CHN2: variants seen among roughly 807,000 people sequenced by gnomAD.
CHN2 encodes the protein chimerin 2, also known as beta-chimaerin.
In CHN2, 35 loss-of-function variants were observed where a neutral mutation model predicts 56.3. The observed-to-expected ratio is 0.62, with a 90% CI of 0.47 to 0.82. The LOEUF is 0.82. Ranked by LOEUF, CHN2 falls within the 40% of genes least tolerant of loss-of-function variation. The pLI, the probability that CHN2 is intolerant of heterozygous loss-of-function variation, is 0.00. For synonymous variants in CHN2, 210 were observed against 212.8 expected (o/e 0.99, Z 0.12); for missense variants, 491 against 580.5 (o/e 0.85, Z 1.58).
chr7:29,507,173 A>G, intron 10 of CHN2, 55 bp from the exon 11 acceptor site: 2 of 1,489,656 alleles, frequency 1.3e-6, no homozygotes, highest in Non-Finnish European at 9.0e-7. Context: ...CTTTCTGTAC[A>G]TGCCTTGGTG....
chr7:29,497,993 C>T (rs1583409538), intron 8 of CHN2, among the ~76,000 whole-genome samples: 1 of 152,126 alleles, frequency 6.6e-6, no homozygotes, highest in South Asian at 2.1e-4. Flanking sequence ...GGTTGCATAA[C>T]AGTGTGAATG....
intron 9 of CHN2, among the ~76,000 whole-genome samples, chr7:29,501,400 G>A (rs888257559): frequency 6.6e-6 from 1 of 152,148 alleles, no homozygotes; most frequent in African/African-American, 2.4e-5. Flanking sequence ...TGAGTGGTTG[G>A]GACAAGTGAC....
intron 1 of CHN2, among the ~76,000 whole-genome samples, chr7:29,210,961 G>T (rs937217626): frequency 6.6e-6 from 1 of 152,306 alleles, no homozygotes; most frequent in East Asian, 1.9e-4. Context: ...ATCATGGAGG[G>T]CCTCGTAGGC....
At chr7:29,169,477 T>A (rs1473446461) in intron 2 of CHN2, among the ~76,000 whole-genome samples, 1 of 152,226 alleles carries the variant, frequency 6.6e-6, no homozygotes, top group Non-Finnish European at 1.5e-5. Flanking sequence ...TATACAATAA[T>A]GTTATGTTAA....
chr7:29,203,918 G>A (rs1784336414), intron 1 of CHN2, among the ~76,000 whole-genome samples: 1 of 152,166 alleles, frequency 6.6e-6, no homozygotes, highest in African/African-American at 2.4e-5. Context: ...GACAGATTTT[G>A]TGTTTTGTTT....
chr7:29,283,965 C>T (rs1259612890), intron 1 of CHN2, among the ~76,000 whole-genome samples: 2 of 121,202 alleles, frequency 1.7e-5, no homozygotes, highest in Non-Finnish European at 3.3e-5. Context: ...GACACAGTCT[C>T]ACTCTGGAGT....
chr7:29,362,167 A>G (rs1297304024), intron 2 of CHN2, among the ~76,000 whole-genome samples: 1 of 152,184 alleles, frequency 6.6e-6, no homozygotes, highest in Non-Finnish European at 1.5e-5. Context: ...GCAGCTCCTC[A>G]TGGGACCTCT....
At chr7:29,252,772 T>G (rs1297507622) in intron 1 of CHN2, among the ~76,000 whole-genome samples, 1 of 125,546 alleles carries the variant, frequency 8.0e-6, no homozygotes, top group African/African-American at 4.3e-5. Context: ...ATTTTTTGTA[T>G]TTTTAGTAGA....
intron 2 of CHN2, among the ~76,000 whole-genome samples, chr7:29,168,609 T>C (rs78200145): frequency 0.012 from 1,771 of 152,348 alleles, 34 homozygotes; most frequent in African/African-American, 0.041. Flanking sequence ...TCCAGTGTTA[T>C]GTGAGGGTCT....
chr7:29,236,265 T>C (rs1394784384), intron 1 of CHN2, among the ~76,000 whole-genome samples: 1 of 152,242 alleles, frequency 6.6e-6, no homozygotes, highest in Non-Finnish European at 1.5e-5. Flanking sequence ...CAGTGAGTAA[T>C]ACCCTCACTT....
chr7:29,379,627 C>T (rs772493339), intron 3 of CHN2, among the ~76,000 whole-genome samples: 1 of 152,150 alleles, frequency 6.6e-6, no homozygotes, highest in Non-Finnish European at 1.5e-5. Context: ...AGTCTTTCAA[C>T]TTTTCTGTAT....
chr7:29,432,917 T>C (rs150851910), intron 6 of CHN2, among the ~76,000 whole-genome samples: 8 of 152,326 alleles, frequency 5.3e-5, no homozygotes, highest in African/African-American at 1.2e-4. Context: ...AGCTGACAAC[T>C]GGGAGGCTGT....
intron 2 of CHN2, among the ~76,000 whole-genome samples, chr7:29,150,781 A>G (rs753092796): frequency 9.2e-5 from 14 of 152,166 alleles, no homozygotes; most frequent in Non-Finnish European, 1.3e-4. Flanking sequence ...GTTGTTACTG[A>G]TCTTCAATGG....
intron 3 of CHN2, among the ~76,000 whole-genome samples, chr7:29,387,846 C>T (rs1010115065): frequency 1.9e-4 from 29 of 152,226 alleles, no homozygotes; most frequent in Admixed American, 5.9e-4. Flanking sequence ...GGTAATATCA[C>T]TGCATTATTT....
chr7:29,153,209 G>A (rs966720604), intron 2 of CHN2, among the ~76,000 whole-genome samples: 2 of 152,182 alleles, frequency 1.3e-5, no homozygotes, highest in African/African-American at 4.8e-5. Context: ...TACATATCTA[G>A]ACATATGGTA....
upstream of CHN2, chr7:29,192,924 A>G (rs1416500549): frequency 6.6e-6 from 1 of 152,240 alleles, no homozygotes; most frequent in African/African-American, 2.4e-5. Context: ...GCTGTTTTCT[A>G]TCAGAAGAAC....
At chr7:29,464,004 C>T (rs1371867059) in intron 6 of CHN2, among the ~76,000 whole-genome samples, 1 of 152,220 alleles carries the variant, frequency 6.6e-6, no homozygotes, top group Non-Finnish European at 1.5e-5. Context: ...AAAAAGGATA[C>T]ATAACAACCT....
chr7:29,337,334 G>A, intron 1 of CHN2, among the ~76,000 whole-genome samples: 1 of 152,130 alleles, frequency 6.6e-6, no homozygotes, highest in Non-Finnish European at 1.5e-5. Context: ...TCAGACTCTG[G>A]TAGTGGAAGT....
chr7:29,446,078 A>G (rs1436093065), intron 6 of CHN2, among the ~76,000 whole-genome samples: 1 of 152,156 alleles, frequency 6.6e-6, no homozygotes, highest in African/African-American at 2.4e-5. Context: ...GACCAATTAC[A>G]TCAGAAACTC....
Sources: gnomAD v4.1 joint callset for allele counts (sites outside exome capture counted in the v4.1 genomes callset) on GRCh38, gnomAD v4.1.1 for gene constraint, MANE v1.5 for transcripts, NCBI Gene and HGNC (gene_info 2026-07-23, HGNC 2026-07-21) for gene names.